WDR48: variants seen among roughly 807,000 people sequenced by gnomAD.
WDR48 encodes the protein WD repeat-containing protein 48.
In WDR48, 22 loss-of-function variants were observed where a neutral mutation model predicts 94.0. The ratio of observed to expected loss-of-function variants is 0.23; its 90% CI spans 0.17 to 0.33. The LOEUF (loss-of-function observed/expected upper bound fraction) is 0.33, where lower values mean the gene tolerates loss of function less well. Ranked by LOEUF, WDR48 falls within the 10% of genes least tolerant of loss-of-function variation. WDR48 has a pLI of 1.00. For missense variants in WDR48, 541 were observed against 813.8 expected, an observed-to-expected ratio of 0.66 and a Z score of 4.08; for synonymous variants, 278 against 280.5, an observed-to-expected ratio of 0.99 and a Z score of 0.09.
intron 9 of WDR48, among the ~76,000 whole-genome samples, chr3:39,077,629 C>G (rs2034296939): frequency 1.3e-5 from 2 of 152,170 alleles, no homozygotes; most frequent in Non-Finnish European, 2.9e-5. Flanking sequence ...AATTAGTTTT[C>G]TTTTTCCTCA....
rs1246677435 is a variant in WDR48 at position 39,087,921 on chromosome 3, C to T, written c.1475-207C>T. ...TTATTAAAATCCTCTAAAATACAGT[C>T]ATTTTTTCCATGAAATAGACCACAA... On this transcript the variant is annotated intron_variant, in intron 14 of 18. Coordinates refer to ENST00000302313, the MANE Select transcript of WDR48 (RefSeq NM_020839.4). The T allele has an allele frequency of 1.5e-5, 8 of 538,792 alleles. No individual in the cohort carries two copies. The Admixed American group carries it at 1.9e-4, about 13-fold the overall frequency. The allele number at this position is 538,792 out of a possible 1,614,324, so 33.4% of individuals were successfully genotyped here.
chr3:39,088,180 G>T lies in WDR48; in HGVS notation c.1527G>T (p.Val509=), dbSNP rs996595164. ...AGAAGGGAAATGGATATTTTCAAGT[G>T]CCCCCACATACACCCGTGATCTTTG... The part of the protein sequence containing the change: ...RVQKGNGYFQ[V]PPHTPVIFGE... Residue 509 remains valine, a synonymous_variant, in exon 15 of 19, where the codon GTG becomes GTT. Coordinates refer to ENST00000302313, the MANE Select transcript of WDR48 (RefSeq NM_020839.4). The T allele has an allele frequency of 6.2e-7, 1 of 1,614,142 alleles. No homozygotes were observed. The highest frequency in any genetic ancestry group is 1.7e-5 in the Admixed American group (1 of 60,022).
At chr3:39,053,923 T>C (rs553994527) in intron 1 of WDR48, among the ~76,000 whole-genome samples, 4 of 152,320 alleles carry the variant, frequency 2.6e-5, no homozygotes, top group Non-Finnish European at 4.4e-5. Context: ...TAGAGTTTGG[T>C]GTTCAGCACT....
rs1226438006 is a variant in WDR48, at chr3:39,096,298, G to A, written c.*1555G>A. ...TTCTCCCTTCCTCAGAGAGCAACCA[G>A]CTTCTTTTTTTTTAAAAGTCCTTTC... On this transcript the variant is annotated 3_prime_UTR_variant, in exon 19 of 19. Transcript: ENST00000302313. 3 of 114,328 alleles carry A rather than the reference G, an allele frequency of 2.6e-5. No homozygotes were observed. Among genetic ancestry groups the A allele is most frequent in the Non-Finnish European group, 4.8e-5 (3 of 63,102 alleles). 7.1% of individuals were successfully genotyped at this position (114,328 alleles called of 1,614,324 possible). A position where few individuals can be genotyped will look rare whatever the true frequency, so the allele number is the denominator to read the frequency against.
At chr3:39,088,055 T>G in intron 14 of WDR48, 73 bp from the exon 15 acceptor site, 1 of 1,381,660 alleles carries the variant, frequency 7.2e-7, no homozygotes, top group South Asian at 1.2e-5. Context: ...TTGAAGCTTG[T>G]GGGAGTAAAA....
At chr3:39,075,655 A>G (rs940352386) in intron 8 of WDR48, among the ~76,000 whole-genome samples, 2 of 152,146 alleles carry the variant, frequency 1.3e-5, no homozygotes, top group African/African-American at 4.8e-5. Flanking sequence ...ACCGATAGTC[A>G]CAGAATTTCA....
rs2033635171 is a variant in WDR48 at position 39,066,776 on chromosome 3, G to A, written c.382G>A (p.Asp128Asn). Reference protein sequence around the residue: ...DYVKALAYAKDKELVASAGLD... With the variant: ...DYVKALAYAKNKELVASAGLD... ...CGTAAAGGCCTTAGCATATGCCAAGGATAAAGAACTAGTAGCATCAGCTGG... is the reference window on the plus strand; with the variant it reads ...CGTAAAGGCCTTAGCATATGCCAAGAATAAAGAACTAGTAGCATCAGCTGG... The change falls in exon 5 of 19, where the codon GAT becomes AAT. Residue 128 changes from aspartate to asparagine, a missense_variant. This residue lies in a region of WDR48 where 104 missense variants were observed against 189.7 expected (regional missense o/e 0.55). Coordinates refer to ENST00000302313, the MANE Select transcript of WDR48 (RefSeq NM_020839.4). 1.2e-6 allele frequency: 2 copies of A among 1,614,016 alleles called. No homozygotes were observed. Among genetic ancestry groups the A allele is most frequent in the African/African-American group, 1.3e-5 (1 of 75,030 alleles).
intron 17 of WDR48, among the ~76,000 whole-genome samples, chr3:39,093,154 G>A (rs1361817075): frequency 2.0e-5 from 3 of 152,140 alleles, no homozygotes; most frequent in Non-Finnish European, 4.4e-5. Flanking sequence ...TGAGACTCAA[G>A]GTCTAGACTC....
chr3:39,079,874 TG>T (rs769703288), intron 11 of WDR48, 66 bp downstream of exon 11: 48 of 879,794 alleles, frequency 5.5e-5, no homozygotes, highest in Non-Finnish European at 7.8e-5. Flanking sequence ...TTTTATTTTT[TG>T]TATGTGATAA....
intron 18 of WDR48, 154 bp from the exon 19 acceptor site, chr3:39,094,494 C>T (rs2125689452): frequency 6.5e-7 from 1 of 1,535,722 alleles, no homozygotes. Flanking sequence ...CAATTTCATT[C>T]CCGCATGCAT....
In WDR48 at chr3:39,094,895, C is replaced by A. The variant is rs909922068; in HGVS notation, c.*152C>A. The A allele has an allele frequency of 3.9e-6, 4 of 1,018,762 alleles. No homozygotes were observed. The highest frequency in any genetic ancestry group is 3.2e-5 in the South Asian group (2 of 62,700). The allele number at this position is 1,018,762 out of a possible 1,614,324, so 63.1% of individuals were successfully genotyped here. On this transcript the variant is annotated 3_prime_UTR_variant, in exon 19 of 19. Transcript: ENST00000302313. ...TTATCTTTCAATTGAAGTGACTAAT[C>A]GAGATGTAATATAGAAACCAGTCTC...
chr3:39,072,223 A>T (rs2033980289), intron 7 of WDR48, among the ~76,000 whole-genome samples: 1 of 152,260 alleles, frequency 6.6e-6, no homozygotes, highest in Non-Finnish European at 1.5e-5. Context: ...TAAAGAGATC[A>T]GCATTGCAGT....
At chr3:39,091,791 C>A in intron 17 of WDR48, 90 bp downstream of exon 17, 1 of 1,104,198 alleles carries the variant, frequency 9.1e-7, no homozygotes, top group South Asian at 1.6e-5. Flanking sequence ...GAAGCAAATA[C>A]CAGATCTAAG....
chr3:39,076,618 T>C (rs2125664191), intron 8 of WDR48, among the ~76,000 whole-genome samples: 1 of 152,322 alleles, frequency 6.6e-6, no homozygotes, highest in Admixed American at 6.5e-5. Flanking sequence ...GCTTGTGTAA[T>C]ATATACATGC....
chr3:39,094,686 C>G lies in WDR48; in HGVS notation c.1977C>G (p.His659Gln). ...ATATGGACCTTCGAACAGTGAAACA[C>G]TTCATATGGAAGAGCGGTGGAGACC... Reference protein sequence around the residue: ...DPNMDLRTVKHFIWKSGGDLT... With the variant: ...DPNMDLRTVKQFIWKSGGDLT... The change falls in exon 19 of 19, where the codon CAC becomes CAG. Residue 659 changes from histidine (H) to glutamine (Q), a missense_variant. Physicochemically the swap from His to Gln is conservative, Grantham distance 24. Around this residue, in one of 5 missense-constraint regions of WDR48, gnomAD observed 109 missense variants for 195.5 expected, o/e 0.56. Transcript: ENST00000302313. 6.2e-7 allele frequency: 1 copy of G among 1,614,168 alleles called. No homozygotes were observed. Among genetic ancestry groups the G allele is most frequent in the Non-Finnish European group, 8.5e-7 (1 of 1,180,024 alleles).
chr3:39,070,279 A>G (rs1352945282), intron 7 of WDR48, among the ~76,000 whole-genome samples: 1 of 152,238 alleles, frequency 6.6e-6, no homozygotes, highest in Non-Finnish European at 1.5e-5. Flanking sequence ...TAGCAATGGA[A>G]AATACTTTTT....
rs899908899 is a variant in WDR48, at chr3:39,079,918, A to C, written c.1173+110A>C. 1.3e-5 allele frequency: 7 copies of C among 551,770 alleles called. No individual in the cohort carries two copies. The African/African-American group carries it at 1.4e-4, about 11-fold the overall frequency. The allele number at this position is 551,770 out of a possible 1,614,324, so 34.2% of individuals were successfully genotyped here. A position where few individuals can be genotyped will look rare whatever the true frequency, so the allele number is the denominator to read the frequency against. On this transcript the variant is annotated intron_variant, in intron 11 of 18. Transcript: ENST00000302313. ...TAAATTAAGATGTAATTGCAGTAAT[A>C]CTTTATGGGGTGGTATATACTTTCT... is the stretch of plus-strand genomic sequence containing the variant.
intron 7 of WDR48, 99 bp from the exon 8 acceptor site, chr3:39,074,627 C>A: frequency 7.0e-6 from 8 of 1,150,502 alleles, no homozygotes; most frequent in Non-Finnish European, 1.0e-5. Flanking sequence ...TTAATAGAGT[C>A]GTGTGTTTGA....
At position 39,095,753 on chromosome 3, in the gene WDR48, T is replaced by C. The variant is rs534256273; in HGVS notation, c.*1010T>C. On this transcript the variant is annotated 3_prime_UTR_variant, in exon 19 of 19. Coordinates refer to ENST00000302313, the MANE Select transcript of WDR48 (RefSeq NM_020839.4). ...GGTTTTTGTTGTACCTGTATCCAGA[T>C]CTTCTTTTCACTGTTCTAACAATCT... 1 of 152,788 alleles carries C rather than the reference T, an allele frequency of 6.5e-6. No homozygotes were observed. The highest frequency in any genetic ancestry group is 1.9e-4 in the East Asian group (1 of 5,190). 9.5% of individuals were successfully genotyped at this position (152,788 alleles called of 1,614,324 possible).
Sources: allele counts gnomAD v4.1 joint callset (sites outside exome capture counted in the v4.1 genomes callset), GRCh38; gene constraint gnomAD v4.1.1; regional missense constraint gnomAD v4.1.1; transcripts MANE v1.5; gene names NCBI Gene and HGNC (gene_info 2026-07-23, HGNC 2026-07-21).